Variants in CDKN2B-AS1 observed in about 807,000 individuals in gnomAD.
CDKN2B-AS1 encodes the protein CDKN2B and CDKN2A antisense cis and trans regulatory RNA 1.
chr9:22,122,773 G>A (rs975327271), intron 4 of CDKN2B-AS1, among the ~76,000 whole-genome samples: 6 of 152,078 alleles, frequency 3.9e-5, no homozygotes, highest in African/African-American at 1.2e-4. Context: ...TTTTATACCA[G>A]TACCATGCTA....
Position 22,005,953 on chromosome 9 carries a change from A to G in CDKN2B-AS1, n.29+10792A>G, listed in dbSNP as rs768447646. The stretch of plus-strand genomic sequence containing the variant: ...TGGGGGTGGGAAATTGGGTAAGAAA[A>G]TAAAGTCGTTGTGGGCGGCTGGGGA... On this transcript the variant is annotated intron_variant and non_coding_transcript_variant, in intron 1 of 4. Transcript: ENST00000650946. The surrounding 1 kb of genome is among the most constrained non-coding windows in gnomAD (Gnocchi z 4.9). 6.3e-7 allele frequency: 1 copy of G among 1,597,988 alleles called. No individual in the cohort carries two copies.
chr9:22,008,770 G>A, intron 1 of CDKN2B-AS1: 1 of 1,608,954 alleles, frequency 6.2e-7, no homozygotes, highest in African/African-American at 1.3e-5. Context: ...CGCGCCCCCT[G>A]CCGGCGAGGC....
chr9:22,106,897 G>A (rs949063252), intron 4 of CDKN2B-AS1, among the ~76,000 whole-genome samples: 3 of 152,144 alleles, frequency 2.0e-5, no homozygotes, highest in Admixed American at 6.5e-5. Context: ...TTATAAATGA[G>A]GAAATGTAAG....
At position 21,999,367 on chromosome 9, in the gene CDKN2B-AS1, T is replaced by C. The variant is rs1358926381; in HGVS notation, n.29+4206T>C. 6.6e-6 allele frequency among the ~76,000 whole-genome samples: 1 copy of C among 151,694 alleles called. No homozygotes were observed. The highest frequency in any genetic ancestry group is 1.5e-5 in the Non-Finnish European group (1 of 67,894). Reference sequence around the variant, plus strand: ...TTGTGTATATATCTATATACTTATATACACCCTTTGACTCAGCAATTCTAT... The same window carrying C: ...TTGTGTATATATCTATATACTTATACACACCCTTTGACTCAGCAATTCTAT... On this transcript the variant is annotated intron_variant and non_coding_transcript_variant, in intron 1 of 4. Coordinates refer to ENST00000650946, the Ensembl canonical transcript of CDKN2B-AS1. The surrounding 1 kb of genome is among the most constrained non-coding windows in gnomAD (Gnocchi z 4.7).
At chr9:22,109,282 G>A (rs377429613) in intron 4 of CDKN2B-AS1, among the ~76,000 whole-genome samples, 186 of 152,322 alleles carry the variant, frequency 1.2e-3, no homozygotes, top group African/African-American at 4.3e-3. Context: ...AGCAAGCAAA[G>A]CTTCTTTATG....
At chr9:22,125,658 A>G (rs989839722) in intron 4 of CDKN2B-AS1, among the ~76,000 whole-genome samples, 3 of 152,210 alleles carry the variant, frequency 2.0e-5, no homozygotes, top group Non-Finnish European at 4.4e-5. Context: ...ATCAAAACAC[A>G]CTTTCTGTTT....
intron 4 of CDKN2B-AS1, among the ~76,000 whole-genome samples, chr9:22,092,921 G>A (rs962074877): frequency 3.9e-5 from 6 of 152,240 alleles, no homozygotes; most frequent in Admixed American, 2.0e-4. Context: ...ATGTTAGGGT[G>A]TCAATTTTAG....
At chr9:22,088,689 T>C (rs1031623200) in intron 4 of CDKN2B-AS1, among the ~76,000 whole-genome samples, 2 of 152,194 alleles carry the variant, frequency 1.3e-5, no homozygotes, top group Non-Finnish European at 2.9e-5. Flanking sequence ...ATAGCTACTT[T>C]AAATAGACAT....
At chr9:22,061,019 A>G (rs1331818071) in intron 4 of CDKN2B-AS1, among the ~76,000 whole-genome samples, 2 of 152,176 alleles carry the variant, frequency 1.3e-5, no homozygotes, top group Admixed American at 1.3e-4. Flanking sequence ...ATATCACTAT[A>G]CCACAAGTTT....
chr9:22,080,685 G>A (rs1375917294), intron 4 of CDKN2B-AS1, among the ~76,000 whole-genome samples: 1 of 152,254 alleles, frequency 6.6e-6, no homozygotes, highest in Non-Finnish European at 1.5e-5. Flanking sequence ...AGTTTGCAGA[G>A]CCAAAAACCT....
Position 22,105,042 on chromosome 9 carries a change from T to A in CDKN2B-AS1, n.439-22061T>A, listed in dbSNP as rs73438883. On this transcript the variant is annotated intron_variant and non_coding_transcript_variant, in intron 4 of 4. Transcript: ENST00000650946. ...CAAAAAAATACTCAGCCTTAGGTATTCTGACTAGAAGCTTGGGTCCTTAAC... is the reference window on the plus strand; with the variant it reads ...CAAAAAAATACTCAGCCTTAGGTATACTGACTAGAAGCTTGGGTCCTTAAC... Among the ~76,000 whole-genome samples, 1,394 of 152,282 alleles carry A rather than the reference T, an allele frequency of 9.2e-3. 25 individuals carry two copies. The highest frequency in any genetic ancestry group is 0.031 in the African/African-American group (1,283 of 41,554).
intron 4 of CDKN2B-AS1, among the ~76,000 whole-genome samples, chr9:22,086,291 T>G (rs971436463): frequency 6.6e-6 from 1 of 152,210 alleles, no homozygotes; most frequent in East Asian, 1.9e-4. Flanking sequence ...TTTATTCTGC[T>G]CCTTTTGGAG....
intron 1 of CDKN2B-AS1, among the ~76,000 whole-genome samples, chr9:22,034,129 G>T (rs1021346734): frequency 6.6e-6 from 1 of 152,288 alleles, no homozygotes; most frequent in East Asian, 1.9e-4. Flanking sequence ...TTGAACATGT[G>T]GTGGGATAGA....
At chr9:22,101,015 G>C (rs1310056679) in intron 4 of CDKN2B-AS1, among the ~76,000 whole-genome samples, 1 of 152,108 alleles carries the variant, frequency 6.6e-6, no homozygotes. Context: ...CCCTATTCTT[G>C]ACTTGTTAGG....
chr9:22,018,188 G>A (rs902418776), intron 1 of CDKN2B-AS1, among the ~76,000 whole-genome samples: 8 of 151,848 alleles, frequency 5.3e-5, no homozygotes, highest in African/African-American at 1.9e-4. Flanking sequence ...GCTGGGGGTG[G>A]TGTCAGGCAC....
chr9:22,083,751 G>A (rs1412434346), intron 4 of CDKN2B-AS1, among the ~76,000 whole-genome samples: 2 of 152,266 alleles, frequency 1.3e-5, no homozygotes, highest in East Asian at 1.9e-4. Context: ...GTTTTTGGAG[G>A]GTAGGTAAGA....
At position 21,995,369 on chromosome 9, in the gene CDKN2B-AS1, G is replaced by C. The variant is rs1820607373; in HGVS notation, n.29+208G>C. ...CTCTTCCCCCGCGCTCCCCTCCCCT[G>C]CTGGCCGCTCCCCTCCTGTCGCCGC... On this transcript the variant is annotated intron_variant and non_coding_transcript_variant, in intron 1 of 4. Coordinates refer to ENST00000650946, the Ensembl canonical transcript of CDKN2B-AS1. The surrounding 1 kb of genome is among the most constrained non-coding windows in gnomAD (Gnocchi z 5.7). 1 of 152,494 alleles carries C rather than the reference G, an allele frequency of 6.6e-6. No individual in the cohort carries two copies. The highest frequency in any genetic ancestry group is 1.9e-4 in the East Asian group (1 of 5,178). 9.4% of individuals were successfully genotyped at this position (152,494 alleles called of 1,614,324 possible). A position where few individuals can be genotyped will look rare whatever the true frequency, so the allele number is the denominator to read the frequency against.
At chr9:22,064,983 C>T (rs1402152188) in intron 4 of CDKN2B-AS1, among the ~76,000 whole-genome samples, 1 of 152,114 alleles carries the variant, frequency 6.6e-6, no homozygotes, top group Non-Finnish European at 1.5e-5. Context: ...TATTGTTACC[C>T]ACACCTTTGA....
intron 4 of CDKN2B-AS1, chr9:22,058,349 T>G (rs1823662149): frequency 6.6e-6 from 1 of 152,232 alleles, no homozygotes; most frequent in African/African-American, 2.4e-5. Flanking sequence ...TTACATTCAT[T>G]TCTTCTCAGT....
Sources: allele counts gnomAD v4.1 joint callset (sites outside exome capture counted in the v4.1 genomes callset), GRCh38; gene constraint gnomAD v4.1.1; non-coding constraint Gnocchi (gnomAD v3.1); transcripts MANE v1.5; gene names NCBI Gene and HGNC (gene_info 2026-07-23, HGNC 2026-07-21).